Variants in SLC25A21 observed in about 807,000 individuals in gnomAD.
SLC25A21 encodes solute carrier family 25 member 21, also known as mitochondrial 2-oxodicarboxylate carrier.
Under a neutral mutation model 43.8 loss-of-function variants are expected in SLC25A21, and 47 were observed. The observed-to-expected ratio is 1.07, with a 90% CI of 0.85 to 1.37. The LOEUF (loss-of-function observed/expected upper bound fraction) is 1.37, where lower values mean the gene tolerates loss of function less well. Among genes scored for constraint, SLC25A21 ranks in the 40% most tolerant of loss-of-function variants. The pLI is 0.00. For missense variants in SLC25A21, 352 were observed against 350.2 expected (o/e 1.00, Z -0.04); for synonymous variants, 131 against 121.3 (o/e 1.08, Z -0.52).
chr14:37,023,968 C>T (rs1961040241), intron 1 of SLC25A21, among the ~76,000 whole-genome samples: 3 of 152,048 alleles, frequency 2.0e-5, no homozygotes, highest in African/African-American at 7.2e-5. Flanking sequence ...CTAGGTGTTC[C>T]ATAAATTGAT....
chr14:36,981,630 T>C (rs138339558), intron 1 of SLC25A21, among the ~76,000 whole-genome samples: 2,017 of 152,144 alleles, frequency 0.013, 38 homozygotes, highest in African/African-American at 0.043. Context: ...TAGGTGGGAA[T>C]TGAACAATGA....
chr14:36,715,023 C>T (rs571730241), intron 6 of SLC25A21, among the ~76,000 whole-genome samples: 1 of 152,306 alleles, frequency 6.6e-6, no homozygotes, highest in East Asian at 1.9e-4. Context: ...AGATAAAATG[C>T]TGCTGATAAA....
At chr14:37,152,385 A>G (rs1963772836) in intron 1 of SLC25A21, among the ~76,000 whole-genome samples, 1 of 33,836 alleles carries the variant, frequency 3.0e-5, no homozygotes, top group Non-Finnish European at 7.6e-5. Flanking sequence ...ATTTTATTTC[A>G]ATTTTTTTTT....
At chr14:37,162,630 G>T (rs993572038) in intron 1 of SLC25A21, among the ~76,000 whole-genome samples, 6 of 152,136 alleles carry the variant, frequency 3.9e-5, no homozygotes, top group African/African-American at 1.4e-4. Flanking sequence ...TCATTAAGAA[G>T]TCAGGAAACA....
At chr14:37,111,624 CT>C (rs1963020651) in intron 1 of SLC25A21, among the ~76,000 whole-genome samples, 3 of 152,054 alleles carry the variant, frequency 2.0e-5, no homozygotes, top group Non-Finnish European at 4.4e-5. Context: ...TTTCATATTT[CT>C]CATCTATACC....
At chr14:37,037,279 T>C (rs1566832368) in intron 1 of SLC25A21, among the ~76,000 whole-genome samples, 1 of 152,238 alleles carries the variant, frequency 6.6e-6, no homozygotes, top group Non-Finnish European at 1.5e-5. Context: ...TTGGTTATTC[T>C]TGCATTGCAG....
At chr14:37,065,909 T>C (rs1057384861) in intron 1 of SLC25A21, among the ~76,000 whole-genome samples, 2 of 152,208 alleles carry the variant, frequency 1.3e-5, no homozygotes, top group African/African-American at 4.8e-5. Context: ...AAAACTAATT[T>C]GAAACGAATG....
intron 1 of SLC25A21, among the ~76,000 whole-genome samples, chr14:37,108,722 T>C (rs1962962197): frequency 6.8e-6 from 1 of 146,924 alleles, no homozygotes; most frequent in Admixed American, 6.7e-5. Context: ...TGTGTGTGTG[T>C]GTGTGTGTGT....
intron 3 of SLC25A21, among the ~76,000 whole-genome samples, chr14:36,792,899 T>A (rs848096): frequency 0.2 from 31,067 of 152,014 alleles, 3,326 homozygotes; most frequent in Middle Eastern, 0.27. Flanking sequence ...TTTACAATGA[T>A]CACAGATCCT....
chr14:36,860,719 G>C (rs1352364269), intron 2 of SLC25A21, among the ~76,000 whole-genome samples: 1 of 152,120 alleles, frequency 6.6e-6, no homozygotes, highest in Non-Finnish European at 1.5e-5. Context: ...AAATTTAAAA[G>C]AACACAAATA....
At chr14:36,992,691 G>A (rs1383175248) in intron 1 of SLC25A21, among the ~76,000 whole-genome samples, 2 of 151,836 alleles carry the variant, frequency 1.3e-5, no homozygotes, top group African/African-American at 2.4e-5. Context: ...TTTTTTCCAG[G>A]AACTTGTTTT....
chr14:36,724,198 A>T (rs536328659), intron 6 of SLC25A21, among the ~76,000 whole-genome samples: 127 of 152,340 alleles, frequency 8.3e-4, no homozygotes, highest in African/African-American at 2.8e-3. Flanking sequence ...TGTATTTAAG[A>T]CAATCTTTTG....
At chr14:37,009,313 C>A (rs543150903) in intron 1 of SLC25A21, among the ~76,000 whole-genome samples, 5 of 152,048 alleles carry the variant, frequency 3.3e-5, no homozygotes, top group Admixed American at 2.6e-4. Flanking sequence ...CATGGCAAAA[C>A]CGTCTCTACT....
intron 1 of SLC25A21, among the ~76,000 whole-genome samples, chr14:37,040,620 A>C (rs1214505936): frequency 1.3e-5 from 2 of 151,882 alleles, no homozygotes; most frequent in African/African-American, 2.4e-5. Context: ...GACATAATTA[A>C]ATTTACTTTT....
chr14:36,873,021 T>A (rs1406468830), intron 2 of SLC25A21, among the ~76,000 whole-genome samples: 1 of 152,170 alleles, frequency 6.6e-6, no homozygotes, highest in Non-Finnish European at 1.5e-5. Flanking sequence ...AATTCTAATA[T>A]TGTGTCTTGA....
At chr14:36,850,771 C>T (rs1210688422) in intron 2 of SLC25A21, among the ~76,000 whole-genome samples, 2 of 152,140 alleles carry the variant, frequency 1.3e-5, no homozygotes, top group African/African-American at 4.8e-5. Flanking sequence ...TTAACACTAT[C>T]CAGCCAAGAA....
At chr14:36,780,100 C>CT (rs1383609859) in intron 3 of SLC25A21, among the ~76,000 whole-genome samples, 4 of 151,840 alleles carry the variant, frequency 2.6e-5, no homozygotes, top group East Asian at 3.9e-4. Context: ...AATTTATCCA[C>CT]TTTTTTTGTA....
intron 1 of SLC25A21, among the ~76,000 whole-genome samples, chr14:36,920,122 G>A (rs1177487098): frequency 6.6e-6 from 1 of 152,038 alleles, no homozygotes; most frequent in East Asian, 1.9e-4. Flanking sequence ...TCTTCCAGAT[G>A]CTGTGTTAAT....
intron 2 of SLC25A21, among the ~76,000 whole-genome samples, chr14:36,873,164 T>C (rs1023242325): frequency 1.3e-5 from 2 of 152,166 alleles, no homozygotes; most frequent in African/African-American, 4.8e-5. Context: ...AAGGTTAACA[T>C]GGAATCTAAG....
Sources: gnomAD v4.1 joint callset for allele counts (sites outside exome capture counted in the v4.1 genomes callset) on GRCh38, gnomAD v4.1.1 for gene constraint, MANE v1.5 for transcripts, NCBI Gene and HGNC (gene_info 2026-07-23, HGNC 2026-07-21) for gene names.